Variants in TCF4 observed in about 807,000 individuals in gnomAD.
TCF4 encodes the protein SL3-3 enhancer factor 2.
In TCF4, 3 loss-of-function variants were observed where a neutral mutation model predicts 82.1. The ratio of observed to expected loss-of-function variants is 0.04; its 90% confidence interval spans 0.02 to 0.09. TCF4 has a LOEUF of 0.09. Among genes scored for constraint, TCF4 ranks in the 10% least tolerant of loss-of-function variants. The probability of loss-of-function intolerance (pLI) is 1.00; values close to 1 mark genes in which losing one functional copy is unlikely to be tolerated. For missense variants in TCF4, 518 were observed against 852.7 expected (o/e 0.61, Z 4.89); for synonymous variants, 276 against 309.6 (o/e 0.89, Z 1.14).
chr18:55,427,463 T>C (rs1384492034), intron 5 of TCF4, among the ~76,000 whole-genome samples: 1 of 152,228 alleles, frequency 6.6e-6, no homozygotes, highest in Non-Finnish European at 1.5e-5. Context: ...AGTGAGATGA[T>C]TAGCAAAGTG....
Position 55,259,943 on chromosome 18 carries a change from C to T in TCF4, c.1069+6G>A. 1 of 1,607,414 alleles carries T rather than the reference C, an allele frequency of 6.2e-7. No individual in the cohort carries two copies. Among genetic ancestry groups the T allele is most frequent in the Non-Finnish European group, 8.5e-7 (1 of 1,174,246 alleles). ...ATATGATGAAATGGGATTTGAAATA[C>T]ACTACCTGAGAGAGATGGAGGAGAG... On this transcript the variant is annotated splice_donor_region_variant and intron_variant, in intron 13 of 19. Transcript: ENST00000354452.
At chr18:55,483,542 A>G (rs530041886) in intron 3 of TCF4, among the ~76,000 whole-genome samples, 1 of 152,374 alleles carries the variant, frequency 6.6e-6, no homozygotes, top group Admixed American at 6.5e-5. Flanking sequence ...GCAGTGAAAC[A>G]GTCAGACTTC....
intron 2 of TCF4, among the ~76,000 whole-genome samples, chr18:55,600,827 T>A (rs553286002): frequency 1.3e-5 from 2 of 152,226 alleles, no homozygotes; most frequent in Non-Finnish European, 2.9e-5. Flanking sequence ...CATATAAGAC[T>A]ATTTTTTGGC....
In TCF4 at chr18:55,275,709, C is replaced by T. The variant is rs1233945994; in HGVS notation, c.699G>A (p.Met233Ile). The T allele has an allele frequency of 1.2e-6, 2 of 1,613,796 alleles. No individual in the cohort carries two copies. The highest frequency in any genetic ancestry group is 2.7e-5 in the African/African-American group (2 of 74,900). The change falls in exon 10 of 20, where the codon ATG becomes ATA. Residue 233 changes from methionine (M) to isoleucine (I), a missense_variant. Met to Ile is a conservative substitution (Grantham distance 10). Transcript: ENST00000354452. ...SSDPWSSSSG[M>I]NQPGYAGMLG... ...ACATTCCTGCATAGCCAGGCTGATTCATCCCACTGGAGGAGCTCCAAGGGT... is the reference window on the plus strand; with the variant it reads ...ACATTCCTGCATAGCCAGGCTGATTTATCCCACTGGAGGAGCTCCAAGGGT...
chr18:55,273,767 A>G (rs2060886625), intron 10 of TCF4, among the ~76,000 whole-genome samples: 1 of 152,164 alleles, frequency 6.6e-6, no homozygotes, highest in Admixed American at 6.6e-5. Flanking sequence ...CTGGGTTACT[A>G]CTTCAAAATG....
chr18:55,548,144 T>C (rs1007402660), intron 3 of TCF4, among the ~76,000 whole-genome samples: 2 of 152,206 alleles, frequency 1.3e-5, no homozygotes, highest in Admixed American at 1.3e-4. Context: ...ATGTGTGAAA[T>C]GATTTGCTGG....
At chr18:55,446,801 G>A (rs969215141) in intron 5 of TCF4, among the ~76,000 whole-genome samples, 2 of 151,804 alleles carry the variant, frequency 1.3e-5, no homozygotes, top group African/African-American at 4.8e-5. Flanking sequence ...TGGCTAACAC[G>A]GTGAAACCCT....
chr18:55,304,073 C>A (rs1366675268), intron 8 of TCF4, among the ~76,000 whole-genome samples: 1 of 151,936 alleles, frequency 6.6e-6, no homozygotes, highest in African/African-American at 2.4e-5. Context: ...AGGATATTAG[C>A]ATAAAGGAAA....
intron 6 of TCF4, among the ~76,000 whole-genome samples, chr18:55,355,542 G>A (rs36027866): frequency 0.059 from 8,907 of 152,148 alleles, 351 homozygotes; most frequent in East Asian, 0.22. Context: ...AATATATCTC[G>A]CACCAAAGGG....
intron 3 of TCF4, among the ~76,000 whole-genome samples, chr18:55,497,601 C>T (rs1458395315): frequency 6.6e-6 from 1 of 152,110 alleles, no homozygotes; most frequent in African/African-American, 2.4e-5. Context: ...TATCATTCAA[C>T]CTAGCAGTTA....
At chr18:55,453,961 C>G (rs931608614) in intron 5 of TCF4, among the ~76,000 whole-genome samples, 3 of 152,070 alleles carry the variant, frequency 2.0e-5, no homozygotes, top group Non-Finnish European at 4.4e-5. Context: ...CTCCCAGCCT[C>G]CAGTAGTCCT....
chr18:55,387,896 A>G (rs542971873), intron 6 of TCF4, among the ~76,000 whole-genome samples: 1 of 152,272 alleles, frequency 6.6e-6, no homozygotes, highest in African/African-American at 2.4e-5. Flanking sequence ...ATCAAAGGAA[A>G]ACTTCCGTGT....
Position 55,224,945 on chromosome 18 carries a change from G to A in TCF4, c.*3090C>T, listed in dbSNP as rs2046399391. 6.6e-6 allele frequency: 1 copy of A among 152,228 alleles called. No individual in the cohort carries two copies. The highest frequency in any genetic ancestry group is 6.6e-5 in the Admixed American group (1 of 15,264). 9.4% of individuals were successfully genotyped at this position (152,228 alleles called of 1,614,324 possible). A position where few individuals can be genotyped will look rare whatever the true frequency, so the allele number is the denominator to read the frequency against. Reference sequence around the variant, plus strand: ...TAGTATGGACCCTTTTGAAATTTTTGTATAGTACTTTAATCTTAACTGTCT... The same window carrying A: ...TAGTATGGACCCTTTTGAAATTTTTATATAGTACTTTAATCTTAACTGTCT... On this transcript the variant is annotated 3_prime_UTR_variant, in exon 20 of 20. Transcript: ENST00000354452.
At chr18:55,498,972 T>C (rs940811600) in intron 3 of TCF4, among the ~76,000 whole-genome samples, 1 of 152,126 alleles carries the variant, frequency 6.6e-6, no homozygotes, top group Non-Finnish European at 1.5e-5. Context: ...AGATTACACT[T>C]ATGGAAATCT....
At chr18:55,460,633 T>C (rs2095853179) in intron 5 of TCF4, among the ~76,000 whole-genome samples, 1 of 152,222 alleles carries the variant, frequency 6.6e-6, no homozygotes, top group South Asian at 2.1e-4. Context: ...CAGTTAACAC[T>C]GACTATATAT....
At chr18:55,269,602 T>C in intron 11 of TCF4, 1 of 570,964 alleles carries the variant, frequency 1.8e-6, no homozygotes, top group Non-Finnish European at 3.1e-6. Context: ...TTCAATCTAA[T>C]GACTTGCAAC....
At chr18:55,525,322 C>A (rs745979149) in intron 3 of TCF4, among the ~76,000 whole-genome samples, 3 of 151,570 alleles carry the variant, frequency 2.0e-5, no homozygotes, top group Admixed American at 1.3e-4. Context: ...AGGTTAATGA[C>A]TCTCTATAAA....
chr18:55,530,561 A>AGC (rs1555729285), intron 3 of TCF4, among the ~76,000 whole-genome samples: 13 of 106,424 alleles, frequency 1.2e-4, no homozygotes, highest in Admixed American at 7.9e-4. Flanking sequence ...GGCCCTGAAA[A>AGC]GGGGGGGGGA....
chr18:55,621,631 A>ATAT (rs2097719565), intron 2 of TCF4, among the ~76,000 whole-genome samples: 2 of 70,850 alleles, frequency 2.8e-5, no homozygotes, highest in East Asian at 4.0e-4. Context: ...TATATAATAT[A>ATAT]TATATTATAT....
Sources: gnomAD v4.1 joint callset for allele counts (sites outside exome capture counted in the v4.1 genomes callset) on GRCh38, gnomAD v4.1.1 for gene constraint, MANE v1.5 for transcripts, NCBI Gene and HGNC (gene_info 2026-07-23, HGNC 2026-07-21) for gene names.